Variants in SLC16A7 observed in about 807,000 individuals in gnomAD.
SLC16A7 encodes solute carrier family 16 member 7.
Under a neutral mutation model 34.9 loss-of-function variants are expected in SLC16A7, and 33 were observed. The ratio of observed to expected loss-of-function variants is 0.94; its 90% CI spans 0.72 to 1.26. The LOEUF (loss-of-function observed/expected upper bound fraction) is 1.26. Among genes scored for constraint, SLC16A7 ranks in the 50% most tolerant of loss-of-function variants. The probability of loss-of-function intolerance (pLI) is 0.00; values close to 1 mark genes in which losing one functional copy is unlikely to be tolerated. For missense variants in SLC16A7, 573 were observed against 578.1 expected (o/e 0.99, Z 0.09); for synonymous variants, 201 against 206.6 (o/e 0.97, Z 0.23).
At chr12:59,688,602 A>G (rs1278330617) in intron 2 of SLC16A7, among the ~76,000 whole-genome samples, 3 of 152,062 alleles carry the variant, frequency 2.0e-5, no homozygotes, top group African/African-American at 7.2e-5. Flanking sequence ...TATATATGCA[A>G]TTGGTAATCA....
intron 3 of SLC16A7, among the ~76,000 whole-genome samples, chr12:59,722,520 G>A (rs954760460): frequency 5.3e-5 from 8 of 151,754 alleles, no homozygotes; most frequent in Non-Finnish European, 7.4e-5. Context: ...CCCTGAACCT[G>A]TCTTCTGTTA....
At chr12:59,606,745 AT>A (rs1326177249) in intron 1 of SLC16A7, among the ~76,000 whole-genome samples, 1 of 152,208 alleles carries the variant, frequency 6.6e-6, no homozygotes, top group Non-Finnish European at 1.5e-5. Context: ...CTCTGCAAAA[AT>A]ACCTGGACAA....
intron 1 of SLC16A7, among the ~76,000 whole-genome samples, chr12:59,645,569 G>A (rs1880873234): frequency 6.6e-6 from 1 of 152,094 alleles, no homozygotes; most frequent in Non-Finnish European, 1.5e-5. Context: ...CTGTGCAATG[G>A]TGAGTCAATT....
At chr12:59,643,452 T>C (rs1299978135) in intron 1 of SLC16A7, among the ~76,000 whole-genome samples, 1 of 152,168 alleles carries the variant, frequency 6.6e-6, no homozygotes, top group Non-Finnish European at 1.5e-5. Flanking sequence ...ATTGGCCCTC[T>C]AGGCACTGCT....
At chr12:59,758,658 G>C (rs1880676628) in intron 3 of SLC16A7, among the ~76,000 whole-genome samples, 1 of 152,060 alleles carries the variant, frequency 6.6e-6, no homozygotes, top group South Asian at 2.1e-4. Context: ...ATATGTATTT[G>C]AGAAGAATGT....
rs538625015 is a variant in SLC16A7 at position 59,659,581 on chromosome 12, G to T, written c.-31+4331G>T. 4.6e-5 allele frequency among the ~76,000 whole-genome samples: 7 copies of T among 152,096 alleles called. No homozygotes were observed. In the East Asian group the frequency reaches 7.7e-4, roughly 17 times the overall value. ...AAATTAGTTAATTAATTAAAAACAA[G>T]GAAAAATATATTCAGCTAGCCCCTT... On this transcript the variant is annotated intron_variant, in intron 2 of 5. Coordinates refer to ENST00000547379, the MANE Select transcript of SLC16A7 (RefSeq NM_001270623.2).
In SLC16A7 at chr12:59,785,256, T is replaced by A. The variant is rs1227963793; in HGVS notation, c.*5577T>A. 5 of 152,222 alleles carry A rather than the reference T, an allele frequency of 3.3e-5. No homozygotes were observed. Among genetic ancestry groups the A allele is most frequent in the Middle Eastern group, 3.2e-3 (1 of 316 alleles). 9.4% of individuals were successfully genotyped at this position (152,222 alleles called of 1,614,324 possible). ...TTTCTCTTCTTTCCTATCAGTTGTT[T>A]GTACACTGGAGATTTTAGCTCTTTA... On this transcript the variant is annotated 3_prime_UTR_variant, in exon 6 of 6. Coordinates refer to ENST00000547379, the MANE Select transcript of SLC16A7 (RefSeq NM_001270623.2).
At chr12:59,604,863 T>C (rs1878860188) in intron 1 of SLC16A7, among the ~76,000 whole-genome samples, 1 of 152,236 alleles carries the variant, frequency 6.6e-6, no homozygotes, top group African/African-American at 2.4e-5. Flanking sequence ...TTTTTCTTTT[T>C]TGAGACGGAG....
intron 3 of SLC16A7, among the ~76,000 whole-genome samples, chr12:59,762,635 A>G (rs1881140168): frequency 6.6e-6 from 1 of 152,042 alleles, no homozygotes; most frequent in Admixed American, 6.6e-5. Context: ...TTTCTAAAAC[A>G]ACAATGGAAT....
intron 1 of SLC16A7, among the ~76,000 whole-genome samples, chr12:59,621,759 T>TA (rs1360167056): frequency 1.3e-5 from 2 of 151,768 alleles, no homozygotes; most frequent in Non-Finnish European, 2.9e-5. Flanking sequence ...AGTATGATTT[T>TA]AAAAAATCAT....
intron 3 of SLC16A7, among the ~76,000 whole-genome samples, chr12:59,749,962 G>T (rs1879326804): frequency 6.6e-6 from 1 of 152,184 alleles, no homozygotes; most frequent in Non-Finnish European, 1.5e-5. Context: ...AGGGCAATGG[G>T]GAAAGCATTC....
At chr12:59,637,513 C>A (rs998742046) in intron 1 of SLC16A7, among the ~76,000 whole-genome samples, 1 of 151,260 alleles carries the variant, frequency 6.6e-6, no homozygotes, top group Non-Finnish European at 1.5e-5. Flanking sequence ...GGTGTGAGAC[C>A]TTTTCTCATA....
At chr12:59,688,257 C>T (rs1211957833) in intron 2 of SLC16A7, among the ~76,000 whole-genome samples, 7 of 151,948 alleles carry the variant, frequency 4.6e-5, no homozygotes, top group South Asian at 2.1e-4. Flanking sequence ...CAAGTGACCA[C>T]GAGGAAAGCC....
chr12:59,756,610 G>A (rs1880382016), intron 3 of SLC16A7, among the ~76,000 whole-genome samples: 2 of 150,734 alleles, frequency 1.3e-5, no homozygotes, highest in Non-Finnish European at 2.9e-5. Context: ...GAAACAACAG[G>A]TGCTGGAGAG....
At chr12:59,728,411 A>G (rs1009275711) in intron 3 of SLC16A7, among the ~76,000 whole-genome samples, 3 of 152,212 alleles carry the variant, frequency 2.0e-5, no homozygotes, top group African/African-American at 4.8e-5. Context: ...ATAAATGATA[A>G]TGTCTTGAAC....
At chr12:59,660,925 A>C (rs1868815440) in intron 2 of SLC16A7, among the ~76,000 whole-genome samples, 1 of 152,166 alleles carries the variant, frequency 6.6e-6, no homozygotes, top group Non-Finnish European at 1.5e-5. Context: ...TTTTAAAACC[A>C]GGAGAAATAA....
intron 2 of SLC16A7, among the ~76,000 whole-genome samples, chr12:59,683,554 T>A (rs1170873004): frequency 6.6e-6 from 1 of 152,044 alleles, no homozygotes; most frequent in South Asian, 2.1e-4. Flanking sequence ...GGACTTGGGG[T>A]TTTTCAGATT....
chr12:59,734,379 T>C (rs751100207), intron 3 of SLC16A7, among the ~76,000 whole-genome samples: 35 of 152,184 alleles, frequency 2.3e-4, no homozygotes, highest in Admixed American at 9.2e-4. Context: ...ACCTTAAATC[T>C]GGGCAGGCAC....
chr12:59,620,327 C>A (rs1181162541), intron 1 of SLC16A7, among the ~76,000 whole-genome samples: 4 of 151,804 alleles, frequency 2.6e-5, no homozygotes, highest in Non-Finnish European at 4.4e-5. Context: ...TGGGAATTAC[C>A]TACTGCTTCA....
Sources: allele counts gnomAD v4.1 joint callset (sites outside exome capture counted in the v4.1 genomes callset), GRCh38; gene constraint gnomAD v4.1.1; transcripts MANE v1.5; gene names NCBI Gene and HGNC (gene_info 2026-07-23, HGNC 2026-07-21).